Variants in NKAIN3 observed in about 807,000 individuals in gnomAD.
NKAIN3 encodes sodium/potassium transporting ATPase interacting 3, also known as sodium/potassium-transporting ATPase subunit beta-1-interacting protein 3.
In NKAIN3, 25 loss-of-function variants were observed where a neutral mutation model predicts 30.2. The observed-to-expected ratio is 0.83, with a 90% CI of 0.60 to 1.16. NKAIN3 has a LOEUF of 1.16. Ranked by LOEUF, NKAIN3 falls within the 50% of genes most tolerant of loss-of-function variation. The pLI is 0.00. For synonymous variants in NKAIN3, 91 were observed against 89.6 expected (o/e 1.02, Z -0.09); for missense variants, 225 against 254.1 (o/e 0.89, Z 0.78).
chr8:62,714,539 A>G (rs1443987200), intron 3 of NKAIN3, among the ~76,000 whole-genome samples: 1 of 152,170 alleles, frequency 6.6e-6, no homozygotes, highest in Admixed American at 6.5e-5. Context: ...AAATAGCCCT[A>G]TACATTATTG....
At chr8:62,667,463 A>T (rs1417746004) in intron 3 of NKAIN3, among the ~76,000 whole-genome samples, 1 of 150,562 alleles carries the variant, frequency 6.6e-6, no homozygotes, top group Non-Finnish European at 1.5e-5. Flanking sequence ...TGATCGCCAC[A>T]CTTTATGCAG....
In NKAIN3 at chr8:62,747,800, G is replaced by A. The variant is rs184416710; in HGVS notation, c.471+671G>A. Among the ~76,000 whole-genome samples the A allele has an allele frequency of 5.8e-3, 889 of 152,184 alleles. 8 individuals carry two copies. The highest frequency in any genetic ancestry group is 0.02 in the African/African-American group (829 of 41,522). ...CAAGAACAATGTTCCTTTCAGACCC[G>A]AAAAGGACTTATCATTTAGTTTGAG... On this transcript the variant is annotated intron_variant, in intron 4 of 6. Coordinates refer to ENST00000623646, the MANE Select transcript of NKAIN3 (RefSeq NM_001304533.3).
chr8:62,818,340 T>C (rs942084005), intron 4 of NKAIN3, among the ~76,000 whole-genome samples: 1 of 152,184 alleles, frequency 6.6e-6, no homozygotes, highest in Non-Finnish European at 1.5e-5. Flanking sequence ...ACTAAGGTTA[T>C]ATAGTTATAC....
chr8:62,607,181 A>G (rs1405824480), intron 3 of NKAIN3, among the ~76,000 whole-genome samples: 2 of 152,214 alleles, frequency 1.3e-5, no homozygotes, highest in African/African-American at 4.8e-5. Context: ...AGAAAAGATT[A>G]GGCCAGTTAT....
chr8:62,312,708 C>G (rs1327158490), intron 1 of NKAIN3, among the ~76,000 whole-genome samples: 1 of 151,674 alleles, frequency 6.6e-6, no homozygotes, highest in East Asian at 1.9e-4. Context: ...TCCCAGCTAC[C>G]TGGGAGGTTG....
intron 1 of NKAIN3, among the ~76,000 whole-genome samples, chr8:62,400,222 G>C (rs964595172): frequency 2.1e-5 from 3 of 144,014 alleles, no homozygotes; most frequent in Non-Finnish European, 4.5e-5. Flanking sequence ...CTGGAGTGCA[G>C]TGGTGTGATC....
intron 1 of NKAIN3, among the ~76,000 whole-genome samples, chr8:62,378,934 T>C (rs1033281291): frequency 1.3e-5 from 2 of 152,074 alleles, no homozygotes; most frequent in African/African-American, 4.8e-5. Flanking sequence ...TACCAACAGT[T>C]TGCACCTTGT....
chr8:62,975,849 C>G lies in NKAIN3; in HGVS notation c.*10442C>G, dbSNP rs1234464668. 1.3e-5 allele frequency among the ~76,000 whole-genome samples: 2 copies of G among 152,138 alleles called. No individual in the cohort carries two copies. Among genetic ancestry groups the G allele is most frequent in the Non-Finnish European group, 1.5e-5 (1 of 68,014 alleles). ...ATAAATTTCCTTCTAAGCACTCCCT[C>G]TAAGCTCTATCCCAGAGATTCTGGT... On this transcript the variant is annotated 3_prime_UTR_variant, in exon 7 of 7. Transcript: ENST00000623646.
chr8:62,634,450 C>A (rs1812064552), intron 3 of NKAIN3, among the ~76,000 whole-genome samples: 1 of 152,190 alleles, frequency 6.6e-6, no homozygotes, highest in East Asian at 1.9e-4. Context: ...TCCACAGCTG[C>A]AACAACCAAT....
chr8:62,629,311 G>C (rs1811883514), intron 3 of NKAIN3, among the ~76,000 whole-genome samples: 1 of 152,064 alleles, frequency 6.6e-6, no homozygotes, highest in South Asian at 2.1e-4. Context: ...TAACCCTAGT[G>C]AGTAAGGTAA....
At chr8:62,362,288 A>G (rs1816589709) in intron 1 of NKAIN3, among the ~76,000 whole-genome samples, 1 of 151,944 alleles carries the variant, frequency 6.6e-6, no homozygotes, top group African/African-American at 2.4e-5. Flanking sequence ...ACTGCCCTGC[A>G]TAGCTCAAAT....
intron 4 of NKAIN3, among the ~76,000 whole-genome samples, chr8:62,749,074 T>C (rs958754943): frequency 6.6e-6 from 1 of 152,174 alleles, no homozygotes; most frequent in African/African-American, 2.4e-5. Flanking sequence ...TTTTTATTAA[T>C]CATCTTGAAC....
chr8:62,918,523 G>A lies in NKAIN3; in HGVS notation c.532+10G>A, dbSNP rs1822176583. 5 of 1,595,076 alleles carry A rather than the reference G, an allele frequency of 3.1e-6. No homozygotes were observed. The highest frequency in any genetic ancestry group is 4.3e-6 in the Non-Finnish European group (5 of 1,163,032). On this transcript the variant is annotated intron_variant, in intron 5 of 6. Coordinates refer to ENST00000623646, the MANE Select transcript of NKAIN3 (RefSeq NM_001304533.3). ...GAAGAAGAAGACACATGTAAGTACT[G>A]TTTTCTCTCTCCCTGTGGGTTCCTT...
At chr8:62,318,123 G>A (rs137881214) in intron 1 of NKAIN3, among the ~76,000 whole-genome samples, 1 of 152,176 alleles carries the variant, frequency 6.6e-6, no homozygotes, top group Non-Finnish European at 1.5e-5. Flanking sequence ...TTTGCACATT[G>A]ATTTTGTATC....
intron 4 of NKAIN3, chr8:62,856,100 T>A (rs1820052155): frequency 1.4e-6 from 1 of 710,834 alleles, no homozygotes; most frequent in African/African-American, 1.7e-5. Context: ...CAAACTGTTT[T>A]AACTCTTCTG....
At chr8:62,637,754 G>T (rs1036509024) in intron 3 of NKAIN3, among the ~76,000 whole-genome samples, 1 of 152,126 alleles carries the variant, frequency 6.6e-6, no homozygotes, top group Non-Finnish European at 1.5e-5. Context: ...GGTGTCTGGG[G>T]CCTGGGAGTG....
At chr8:62,714,026 T>C (rs934554340) in intron 3 of NKAIN3, among the ~76,000 whole-genome samples, 7 of 152,168 alleles carry the variant, frequency 4.6e-5, no homozygotes, top group East Asian at 1.9e-4. Context: ...AATTTTTGTA[T>C]TGGATGTTTC....
At chr8:62,690,948 T>C (rs528437960) in intron 3 of NKAIN3, among the ~76,000 whole-genome samples, 3 of 152,308 alleles carry the variant, frequency 2.0e-5, no homozygotes, top group Non-Finnish European at 4.4e-5. Context: ...CTTTAGATCC[T>C]GAGCAGAAGC....
intron 3 of NKAIN3, among the ~76,000 whole-genome samples, chr8:62,623,265 A>G (rs1175410054): frequency 6.6e-6 from 1 of 152,104 alleles, no homozygotes; most frequent in African/African-American, 2.4e-5. Context: ...TTGACCAACC[A>G]AGGAAAGATA....
Sources: gnomAD v4.1 joint callset for allele counts (sites outside exome capture counted in the v4.1 genomes callset) on GRCh38, gnomAD v4.1.1 for gene constraint, MANE v1.5 for transcripts, NCBI Gene and HGNC (gene_info 2026-07-23, HGNC 2026-07-21) for gene names.